FAT2: variants seen among roughly 807,000 people sequenced by gnomAD.
FAT2 encodes protocadherin Fat 2.
Under a neutral mutation model 295.3 loss-of-function variants are expected in FAT2, and 150 were observed. The ratio of observed to expected loss-of-function variants is 0.51; its 90% CI spans 0.44 to 0.58. FAT2 has a LOEUF of 0.58. FAT2 is among the 20% of genes least tolerant of loss of function. The pLI, the probability that FAT2 is intolerant of heterozygous loss-of-function variation, is 0.00. For missense variants in FAT2, 4,868 were observed against 5,442.7 expected (o/e 0.89, Z 3.32); for synonymous variants, 2,026 against 2,150.3 (o/e 0.94, Z 1.60).
chr5:151,546,986 T>C (rs1756702235), intron 9 of FAT2, among the ~76,000 whole-genome samples: 1 of 152,230 alleles, frequency 6.6e-6, no homozygotes, highest in Non-Finnish European at 1.5e-5. Context: ...ACTCTAGGCA[T>C]TCTCACATCA....
At chr5:151,526,855 T>C (rs2127585824) in intron 17 of FAT2, among the ~76,000 whole-genome samples, 1 of 152,254 alleles carries the variant, frequency 6.6e-6, no homozygotes, top group South Asian at 2.1e-4. Context: ...CTCCAAATCC[T>C]ATTTGCAAAC....
At chr5:151,513,487 A>G (rs1752524682) in intron 20 of FAT2, among the ~76,000 whole-genome samples, 1 of 152,182 alleles carries the variant, frequency 6.6e-6, no homozygotes, top group Admixed American at 6.5e-5. Flanking sequence ...GCAAACTAAC[A>G]CAGGAACAGG....
Position 151,522,094 on chromosome 5 carries a change from C to T in FAT2, c.10507-8G>A, listed in dbSNP as rs1417659193. 1 of 1,566,430 alleles carries T rather than the reference C, an allele frequency of 6.4e-7. No individual in the cohort carries two copies. Among genetic ancestry groups the T allele is most frequent in the South Asian group, 1.2e-5 (1 of 85,842 alleles). On this transcript the variant is annotated splice_polypyrimidine_tract_variant and splice_region_variant and intron_variant, in intron 18 of 23. Transcript: ENST00000261800. ...GATGCCACTGTCTGACGCCTGTGGG[C>T]AAAACAAACACTGCTGTCACCCAAC...
chr5:151,564,851 T>C (rs1758176265), intron 2 of FAT2, among the ~76,000 whole-genome samples: 1 of 151,964 alleles, frequency 6.6e-6, no homozygotes, highest in Admixed American at 6.6e-5. Flanking sequence ...GACGGGTGGA[T>C]CACCTGAGGT....
chr5:151,569,205 A>C (rs1168391093), intron 1 of FAT2, among the ~76,000 whole-genome samples: 3 of 152,240 alleles, frequency 2.0e-5, no homozygotes, highest in African/African-American at 2.4e-5. Flanking sequence ...GAATAAAGAC[A>C]TACCTGAGAC....
chr5:151,585,703 T>A (rs1220789618), intron 1 of FAT2, among the ~76,000 whole-genome samples: 2 of 152,100 alleles, frequency 1.3e-5, no homozygotes, highest in African/African-American at 4.8e-5. Flanking sequence ...GAGTAGAGAG[T>A]GTACCAGGGA....
chr5:151,569,835 G>T (rs903402332), intron 1 of FAT2, among the ~76,000 whole-genome samples: 1 of 152,184 alleles, frequency 6.6e-6, no homozygotes, highest in Non-Finnish European at 1.5e-5. Flanking sequence ...AGCTGTTTCC[G>T]CACATGCAGA....
At position 151,534,464 on chromosome 5, in the gene FAT2, G is replaced by A. The variant is rs1170097797; in HGVS notation, c.9372C>T (p.Asp3124=). The A allele has an allele frequency of 6.2e-7, 1 of 1,613,826 alleles. No homozygotes were observed. Among genetic ancestry groups the A allele is most frequent in the African/African-American group, 1.3e-5 (1 of 74,912 alleles). Residue 3124 remains aspartate (D), a synonymous_variant, in exon 13 of 24, where the codon GAC becomes GAT. Transcript: ENST00000261800. ...FPSHCAVAVF[D]NTTVKTPVAV... Reference sequence around the variant, plus strand: ...CCACAGGGGTCTTCACTGTGGTGTTGTCGAAGACAGCCACAGCACAGTGGC... The same window carrying A: ...CCACAGGGGTCTTCACTGTGGTGTTATCGAAGACAGCCACAGCACAGTGGC...
chr5:151,590,435 C>T (rs1759354200), intron 1 of FAT2, among the ~76,000 whole-genome samples: 2 of 152,230 alleles, frequency 1.3e-5, no homozygotes, highest in Non-Finnish European at 2.9e-5. Flanking sequence ...CTCAGCGTTC[C>T]ACTCTGGCTC....
intron 1 of FAT2, among the ~76,000 whole-genome samples, chr5:151,581,270 G>T (rs1052181299): frequency 6.6e-6 from 1 of 152,224 alleles, no homozygotes; most frequent in African/African-American, 2.4e-5. Flanking sequence ...GCATAAAGCG[G>T]TGGGCACAGT....
intron 12 of FAT2, among the ~76,000 whole-genome samples, chr5:151,536,906 C>T (rs1210986306): frequency 1.3e-5 from 2 of 152,196 alleles, no homozygotes; most frequent in Non-Finnish European, 2.9e-5. Flanking sequence ...TCTCTGGGCA[C>T]CAGTTTCTGG....
Position 151,546,276 on chromosome 5 carries a change from C to T in FAT2, c.4851G>A (p.Lys1617=). Residue 1617 remains lysine, a synonymous_variant, in exon 10 of 24, where the codon AAG becomes AAA. Coordinates refer to ENST00000261800, the MANE Select transcript of FAT2 (RefSeq NM_001447.3). ...ALLGIITLAQ[K]LDQANHAPHT... Reference sequence around the variant, plus strand: ...GTGGGGCATGATTTGCCTGATCAAGCTTTTGAGCTAGAGTAATGATGCCTA... The same window carrying T: ...GTGGGGCATGATTTGCCTGATCAAGTTTTTGAGCTAGAGTAATGATGCCTA... The T allele has an allele frequency of 1.2e-6, 2 of 1,614,116 alleles. No homozygotes were observed. The highest frequency in any genetic ancestry group is 1.7e-6 in the Non-Finnish European group (2 of 1,180,016).
At chr5:151,550,455 C>G in intron 8 of FAT2, 135 bp downstream of exon 8, 1 of 1,010,288 alleles carries the variant, frequency 9.9e-7, no homozygotes, top group Non-Finnish European at 1.4e-6. Context: ...CCTTAGCCAG[C>G]TGTGAAATGT....
rs1404538353 is a variant in FAT2, at chr5:151,544,782, A to G, written c.6345T>C (p.Tyr2115=). ...CCCCAAGATAGGGGTCAATTCGGAAATATGTGTAATCTTCTGCAAATTCAT... is the reference window on the plus strand; with the variant it reads ...CCCCAAGATAGGGGTCAATTCGGAAGTATGTGTAATCTTCTGCAAATTCAT... ...VTYEFAEDYT[Y]FRIDPYLGDI... Residue 2115 remains tyrosine (Y), a synonymous_variant, in exon 10 of 24, where the codon TAT becomes TAC. Transcript: ENST00000261800. 6.2e-7 allele frequency: 1 copy of G among 1,614,186 alleles called. No individual in the cohort carries two copies.
At position 151,565,975 on chromosome 5, in the gene FAT2, T is replaced by C. The variant is rs1758240272; in HGVS notation, c.2957A>G (p.Glu986Gly). 1 of 1,613,932 alleles carries C rather than the reference T, an allele frequency of 6.2e-7. No homozygotes were observed. The highest frequency in any genetic ancestry group is 2.2e-5 in the East Asian group (1 of 44,862). The change falls in exon 2 of 24, where the codon GAG becomes GGG. Residue 986 changes from glutamate to glycine, a missense_variant. Physicochemically the swap from Glu to Gly is moderately conservative, Grantham distance 98. Transcript: ENST00000261800. ...CCCAGCTCGCCTCTCAAAGTCCAGC[T>C]CTCTCTCCAGAATGAGCGCCCCTGT... is the stretch of plus-strand genomic sequence containing the variant. ...LMTGALILER[E>G]LDFERRAGYN... is the part of the protein sequence containing the mutation.
rs373433514 is a variant in FAT2 at position 151,507,137 on chromosome 5, T to A, written c.12517+17A>T. On this transcript the variant is annotated intron_variant, in intron 23 of 23. Transcript: ENST00000261800. ...TTCCATCAATCCCAGAGGCTAAGCG[T>A]CTCTGGCTATACTGACCCATCTCCT... is the stretch of plus-strand genomic sequence containing the variant. 9 of 1,537,056 alleles carry A rather than the reference T, an allele frequency of 5.9e-6. No homozygotes were observed. The highest frequency in any genetic ancestry group is 7.9e-6 in the Non-Finnish European group (9 of 1,138,502).
intron 12 of FAT2, among the ~76,000 whole-genome samples, chr5:151,537,456 AG>A (rs869262938): frequency 6.8e-6 from 1 of 147,190 alleles, no homozygotes; most frequent in Non-Finnish European, 1.5e-5. Flanking sequence ...AGGGGAGGGG[AG>A]GGAAGGAAAG....
chr5:151,529,179 G>T lies in FAT2; in HGVS notation c.10025C>A (p.Thr3342Lys), dbSNP rs529969314. ...ENALVGDVIL[T>K]VSATDEDGPL... Reference sequence around the variant, plus strand: ...AAGAGCAAGGTGGCAGATCCTTACCGTGAGGATGACGTCACCCACAAGGGC... The same window carrying T: ...AAGAGCAAGGTGGCAGATCCTTACCTTGAGGATGACGTCACCCACAAGGGC... The change falls in exon 15 of 24, where the codon ACG becomes AAG. Residue 3342 changes from threonine (T) to lysine (K), a missense_variant and splice_region_variant. Physicochemically the swap from Thr to Lys is moderately conservative, Grantham distance 78. Transcript: ENST00000261800. 9.9e-5 allele frequency: 160 copies of T among 1,613,790 alleles called. 2 individuals are homozygous for T. The South Asian group carries it at 1.7e-3, about 17-fold the overall frequency.
At chr5:151,522,143 G>T (rs529985187) in intron 18 of FAT2, 57 bp from the exon 19 acceptor site, 1 of 1,372,962 alleles carries the variant, frequency 7.3e-7, no homozygotes, top group South Asian at 1.4e-5. Flanking sequence ...TCTTGCGCCC[G>T]ACTGAGGCTG....
Sources: allele counts gnomAD v4.1 joint callset (sites outside exome capture counted in the v4.1 genomes callset), GRCh38; gene constraint gnomAD v4.1.1; transcripts MANE v1.5; gene names NCBI Gene and HGNC (gene_info 2026-07-23, HGNC 2026-07-21).